EOGT: variants seen among roughly 807,000 people sequenced by gnomAD.
EOGT encodes EGF domain-specific O-linked N-acetylglucosamine transferase.
A neutral mutation model predicts 70.5 loss-of-function variants in EOGT; 55 were observed. The observed-to-expected ratio is 0.78, with a 90% CI of 0.63 to 0.98. The LOEUF (loss-of-function observed/expected upper bound fraction) is 0.98, where lower values mean the gene tolerates loss of function less well. Among genes scored for constraint, EOGT ranks in the 50% least tolerant of loss-of-function variants. EOGT has a pLI of 0.00. For missense variants in EOGT, 703 were observed against 641.9 expected (o/e 1.10, Z -1.03); for synonymous variants, 246 against 217.1 (o/e 1.13, Z -1.17).
intron 14 of EOGT, among the ~76,000 whole-genome samples, chr3:68,983,559 A>ATGTTG (rs1559588948): frequency 6.6e-6 from 1 of 152,246 alleles, no homozygotes; most frequent in Admixed American, 6.5e-5. Flanking sequence ...TGTGGCATGC[A>ATGTTG]CTGCACTGCA....
intron 10 of EOGT, among the ~76,000 whole-genome samples, chr3:68,990,889 T>C (rs1470696109): frequency 7.5e-6 from 1 of 132,542 alleles, no homozygotes; most frequent in African/African-American, 3.0e-5. Flanking sequence ...GTTATTGAGA[T>C]CTGTTAGATG....
chr3:68,982,923 G>GT, intron 14 of EOGT, 51 bp from the exon 15 acceptor site: 2 of 1,471,228 alleles, frequency 1.4e-6, no homozygotes, highest in South Asian at 1.2e-5. Flanking sequence ...TTTCACTTCT[G>GT]TTTTTCCCTT....
At chr3:68,996,331 G>C (rs984358423) in intron 10 of EOGT, among the ~76,000 whole-genome samples, 1 of 152,110 alleles carries the variant, frequency 6.6e-6, no homozygotes, top group Non-Finnish European at 1.5e-5. Context: ...ATTAAGGGTC[G>C]GCAAAACTGT....
At chr3:68,983,938 G>A (rs1038329730) in intron 14 of EOGT, among the ~76,000 whole-genome samples, 2 of 152,150 alleles carry the variant, frequency 1.3e-5, no homozygotes, top group African/African-American at 4.8e-5. Context: ...ACTCCAGCCT[G>A]GGCAACAAGA....
chr3:68,981,054 T>C (rs2090626297), intron 15 of EOGT, among the ~76,000 whole-genome samples: 1 of 152,344 alleles, frequency 6.6e-6, no homozygotes, highest in South Asian at 2.1e-4. Flanking sequence ...ACTCATTTCT[T>C]CAAGCAACAC....
intron 9 of EOGT, among the ~76,000 whole-genome samples, chr3:68,998,571 G>C (rs979954926): frequency 6.6e-6 from 1 of 151,964 alleles, no homozygotes; most frequent in Non-Finnish European, 1.5e-5. Flanking sequence ...GTCAATTAAG[G>C]GGCCAGGCAC....
In EOGT at chr3:68,977,490, G is replaced by A; in HGVS notation, c.*128C>T. 5.5e-6 allele frequency: 5 copies of A among 914,180 alleles called. No individual in the cohort carries two copies. Among genetic ancestry groups the A allele is most frequent in the Admixed American group, 2.4e-5 (1 of 41,988 alleles). 56.6% of individuals were successfully genotyped at this position (914,180 alleles called of 1,614,324 possible). Reference sequence around the variant, plus strand: ...TCTATACAACACATAACAATATCCTGAAGGTATGTTTTGGCATAGAAAAGG... The same window carrying A: ...TCTATACAACACATAACAATATCCTAAAGGTATGTTTTGGCATAGAAAAGG... On this transcript the variant is annotated 3_prime_UTR_variant, in exon 18 of 18. Transcript: ENST00000383701.
Position 68,991,511 on chromosome 3 carries a change from G to A in EOGT, c.832-2494C>T, listed in dbSNP as rs192510484. ...GAAATGAATACATGCACTGATGCAT[G>A]CATCCAACTTCCAAAACATCCATTA... On this transcript the variant is annotated intron_variant, in intron 10 of 17. Transcript: ENST00000383701. Among the ~76,000 whole-genome samples the A allele has an allele frequency of 5.9e-3, 891 of 152,280 alleles. 10 individuals are homozygous for A. Among genetic ancestry groups the A allele is most frequent in the African/African-American group, 0.02 (819 of 41,552 alleles).
chr3:69,000,902 G>A (rs1403051900), intron 9 of EOGT, among the ~76,000 whole-genome samples: 2 of 151,680 alleles, frequency 1.3e-5, no homozygotes, highest in African/African-American at 4.8e-5. Flanking sequence ...CAGAAAGTTT[G>A]TCAGCGCAGG....
chr3:68,992,601 G>A (rs370002432), intron 10 of EOGT, among the ~76,000 whole-genome samples: 15 of 152,254 alleles, frequency 9.9e-5, no homozygotes, highest in East Asian at 9.7e-4. Flanking sequence ...AGCTGTCAGT[G>A]GATCTACCAT....
At position 69,009,816 on chromosome 3, in the gene EOGT, G is replaced by T. The variant is rs755377162; in HGVS notation, c.31C>A (p.Leu11Ile). The part of the protein sequence containing the change: MLMLFVFGVL[L>I]HEVSLSGQNE... ...TGACCACTCAGTGAGACTTCATGAA[G>T]TAAGACTCCAAAGACAAACAACATT... The change falls in exon 4 of 18, where the codon CTT becomes ATT. Residue 11 changes from leucine (L) to isoleucine (I), a missense_variant. Physicochemically the swap from Leu to Ile is conservative, Grantham distance 5. Transcript: ENST00000383701. The T allele has an allele frequency of 1.2e-5, 19 of 1,610,508 alleles. No homozygotes were observed. Among genetic ancestry groups the T allele is most frequent in the Admixed American group, 3.3e-5 (2 of 59,732 alleles).
intron 10 of EOGT, among the ~76,000 whole-genome samples, chr3:68,993,859 G>C (rs969605785): frequency 6.6e-6 from 1 of 152,078 alleles, no homozygotes; most frequent in African/African-American, 2.4e-5. Context: ...GGAAACCCTA[G>C]ATAAACCCAT....
intron 15 of EOGT, among the ~76,000 whole-genome samples, chr3:68,980,981 T>C (rs984862152): frequency 1.3e-5 from 2 of 152,198 alleles, no homozygotes; most frequent in Non-Finnish European, 2.9e-5. Context: ...GTTCTTTCCA[T>C]TTCTTCCCAG....
At chr3:69,009,953 A>C in intron 3 of EOGT, 93 bp from the exon 4 acceptor site, 1 of 756,400 alleles carries the variant, frequency 1.3e-6, no homozygotes, top group Non-Finnish European at 2.1e-6. Context: ...AAAAAAACAA[A>C]GGGTCAAGGG....
At position 68,977,195 on chromosome 3, in the gene EOGT, T is replaced by TC; in HGVS notation, c.*422_*423insG. ...ACAAAAATTTAGCCAGGTGTGGTGG[T>TC]GCAGGCTGCAATCCCAGCTAGTCAG... is the stretch of plus-strand genomic sequence containing the variant. On this transcript the variant is annotated 3_prime_UTR_variant, in exon 18 of 18. Transcript: ENST00000383701. 6.0e-6 allele frequency: 1 copy of TC among 166,464 alleles called. No individual in the cohort carries two copies. The highest frequency in any genetic ancestry group is 1.3e-5 in the Non-Finnish European group (1 of 78,752). The allele number at this position is 166,464 out of a possible 1,614,324, so 10.3% of individuals were successfully genotyped here.
At chr3:68,981,817 C>T (rs761054235) in intron 15 of EOGT, among the ~76,000 whole-genome samples, 1 of 147,006 alleles carries the variant, frequency 6.8e-6, no homozygotes, top group African/African-American at 2.7e-5. Flanking sequence ...TTTATAACAT[C>T]TAAATTTTGA....
At position 68,975,565 on chromosome 3, in the gene EOGT, A is replaced by G. The variant is rs2090452858; in HGVS notation, c.*2053T>C. 1 of 152,590 alleles carries G rather than the reference A, an allele frequency of 6.6e-6. No individual in the cohort carries two copies. Among genetic ancestry groups the G allele is most frequent in the African/African-American group, 2.4e-5 (1 of 41,438 alleles). The allele number at this position is 152,590 out of a possible 1,614,324, so 9.5% of individuals were successfully genotyped here. ...TTTCAGATCATTTTTTCAGAAGTCA[A>G]TGCCTTGCTGATGCAAAGCGCAACA... On this transcript the variant is annotated 3_prime_UTR_variant, in exon 18 of 18. Coordinates refer to ENST00000383701, the MANE Select transcript of EOGT (RefSeq NM_001278689.2).
rs867215117 is a variant in EOGT, at chr3:69,007,459, C to T, written c.420+254G>A. On this transcript the variant is annotated intron_variant, in intron 6 of 17. Transcript: ENST00000383701. Reference sequence around the variant, plus strand: ...CTTGAGGTCAGGAGTTCGCGATCAGCCTGGCAACATGGCGAAACCCCACCT... The same window carrying T: ...CTTGAGGTCAGGAGTTCGCGATCAGTCTGGCAACATGGCGAAACCCCACCT... Among the ~76,000 whole-genome samples, 3 of 139,032 alleles carry T rather than the reference C, an allele frequency of 2.2e-5. No individual in the cohort carries two copies. In the South Asian group the frequency reaches 6.5e-4, roughly 30 times the overall value. 91.2% of individuals were successfully genotyped at this position (139,032 alleles called of 152,430 possible). A position where few individuals can be genotyped will look rare whatever the true frequency, so the allele number is the denominator to read the frequency against.
At chr3:69,001,063 TC>T (rs966901888) in intron 9 of EOGT, among the ~76,000 whole-genome samples, 16 of 151,892 alleles carry the variant, frequency 1.1e-4, no homozygotes, top group Admixed American at 8.5e-4. Context: ...TTCAAGCGAT[TC>T]CCCCGCTTCA....
Sources: allele counts gnomAD v4.1 joint callset (sites outside exome capture counted in the v4.1 genomes callset), GRCh38; gene constraint gnomAD v4.1.1; transcripts MANE v1.5; gene names NCBI Gene and HGNC (gene_info 2026-07-23, HGNC 2026-07-21).